The following CDKN2A variants were observed in gnomAD, a reference collection of about 807,000 sequenced individuals.
CDKN2A encodes the protein cyclin-dependent kinase inhibitor 2A.
Under a neutral mutation model 11.1 loss-of-function variants are expected in CDKN2A, and 3 were observed. That is an observed-to-expected ratio of 0.27 (90% confidence interval 0.12 to 0.70). The LOEUF is 0.70. Among genes scored for constraint, CDKN2A ranks in the 30% least tolerant of loss-of-function variants. CDKN2A has a pLI of 0.77. For missense variants in CDKN2A, 265 were observed against 233.6 expected (o/e 1.13, Z -0.88); for synonymous variants, 122 against 108.1 (o/e 1.13, Z -0.80).
chr9:21,987,396 A>AACACACACACACACACAC (rs375380204), intron 2 of CDKN2A, among the ~76,000 whole-genome samples: 47 of 89,940 alleles, frequency 5.2e-4, no homozygotes, highest in South Asian at 8.8e-4. Context: ...CCCTTATTAC[A>AACACACACACACACACAC]ACACACACAC....
chr9:21,975,021 G>C, upstream of CDKN2A: 1 of 1,380,668 alleles, frequency 7.2e-7, no homozygotes, highest in Non-Finnish European at 9.3e-7. Context: ...GGGACGCCGT[G>C]AGCGAGTGCT....
intron 1 of CDKN2A, among the ~76,000 whole-genome samples, chr9:21,973,851 C>A (rs1819894358): frequency 6.6e-6 from 1 of 152,102 alleles, no homozygotes; most frequent in African/African-American, 2.4e-5. Context: ...AAAATAAACA[C>A]AATATGTAGT....
At chr9:21,993,165 A>G (rs1820472955) in intron 2 of CDKN2A, among the ~76,000 whole-genome samples, 1 of 152,216 alleles carries the variant, frequency 6.6e-6, no homozygotes, top group Non-Finnish European at 1.5e-5. Context: ...GAAGCATACC[A>G]CAAGGACGGT....
At chr9:21,987,705 T>G (rs1370280818) in intron 2 of CDKN2A, among the ~76,000 whole-genome samples, 1 of 152,090 alleles carries the variant, frequency 6.6e-6, no homozygotes, top group East Asian at 1.9e-4. Context: ...GTGAAATAAC[T>G]CCTCCACTGA....
At chr9:21,984,804 A>AG (rs1476875739) in intron 2 of CDKN2A, among the ~76,000 whole-genome samples, 3 of 151,916 alleles carry the variant, frequency 2.0e-5, no homozygotes, top group African/African-American at 7.2e-5. Context: ...CCTCTAAAAA[A>AG]CTATCCTTTA....
At chr9:21,990,429 G>T (rs1302741790) in intron 2 of CDKN2A, among the ~76,000 whole-genome samples, 2 of 152,160 alleles carry the variant, frequency 1.3e-5, no homozygotes, top group Non-Finnish European at 2.9e-5. Flanking sequence ...TAAGGGTAGA[G>T]AAGCTCTTAG....
At chr9:21,970,483 T>C in intron 2 of CDKN2A, 1 of 409,850 alleles carries the variant, frequency 2.4e-6, no homozygotes, top group South Asian at 3.4e-5. Flanking sequence ...GGTTTGGAAA[T>C]CCTGAGGTTG....
At chr9:21,981,631 CT>C (rs5896958) in intron 2 of CDKN2A, among the ~76,000 whole-genome samples, 54 of 145,908 alleles carry the variant, frequency 3.7e-4, no homozygotes, top group Non-Finnish European at 4.1e-4. Flanking sequence ...GAAAAAATGA[CT>C]TTTTTTTTTT....
upstream of CDKN2A, chr9:21,974,949 G>A (rs1192712632): frequency 5.6e-6 from 8 of 1,421,906 alleles, no homozygotes; most frequent in Admixed American, 6.3e-5. This position sits in a 1 kb window ranked among gnomAD's most constrained non-coding sequence, Gnocchi z 5.2. Flanking sequence ...GCTGGCGGAA[G>A]AGCCCCCTCC....
At chr9:21,994,741 C>T (rs994498851) in intron 1 of CDKN2A, 16 of 211,008 alleles carry the variant, frequency 7.6e-5, no homozygotes, top group Admixed American at 4.9e-4. Flanking sequence ...CCCGCGGTGA[C>T]GGCCCAGGGG....
intron 1 of CDKN2A, among the ~76,000 whole-genome samples, chr9:21,973,908 C>A (rs188292397): frequency 8.8e-4 from 134 of 152,122 alleles, no homozygotes; most frequent in African/African-American, 3.0e-3. Flanking sequence ...TTCTTTCTTT[C>A]GACAAAGTCT....
chr9:21,983,608 A>G (rs1173577789), intron 2 of CDKN2A, among the ~76,000 whole-genome samples: 1 of 152,070 alleles, frequency 6.6e-6, no homozygotes, highest in Non-Finnish European at 1.5e-5. Flanking sequence ...ACTGCTTTTT[A>G]AAAAGCCACC....
intron 1 of CDKN2A, among the ~76,000 whole-genome samples, chr9:21,971,594 T>TTTTTTTTTTTTTTTTTTTC (rs1554654344): frequency 7.1e-6 from 1 of 141,512 alleles, no homozygotes; most frequent in Non-Finnish European, 1.6e-5. Context: ...TTTTTTTTTG[T>TTTTTTTTTTTTTTTTTTTC]TCACTGCTGT....
chr9:21,970,515 A>C, intron 2 of CDKN2A: 1 of 460,500 alleles, frequency 2.2e-6, no homozygotes, highest in East Asian at 3.8e-5. Flanking sequence ...TTGGTATGCA[A>C]ATGAGGAAAC....
chr9:21,992,943 A>G (rs1820465118), intron 2 of CDKN2A, among the ~76,000 whole-genome samples: 1 of 152,204 alleles, frequency 6.6e-6, no homozygotes, highest in African/African-American at 2.4e-5. Context: ...CTAAATTAAA[A>G]AAATTAACTT....
chr9:21,977,421 G>A (rs949329729), upstream of CDKN2A, among the ~76,000 whole-genome samples: 1 of 151,992 alleles, frequency 6.6e-6, no homozygotes, highest in Non-Finnish European at 1.5e-5. Flanking sequence ...AAATGGCACC[G>A]CACGATCTCT....
chr9:21,968,615 C>T lies in CDKN2A; in HGVS notation c.458-373G>A, dbSNP rs560704800. The T allele has an allele frequency of 1.2e-5, 18 of 1,508,860 alleles. No individual in the cohort carries two copies. The African/African-American group carries it at 1.5e-4, about 13-fold the overall frequency. 93.5% of individuals were successfully genotyped at this position (1,508,860 alleles called of 1,614,324 possible). On this transcript the variant is annotated intron_variant, in intron 2 of 2. Coordinates refer to ENST00000304494, the MANE Select transcript of CDKN2A (RefSeq NM_000077.5). The surrounding 1 kb of genome is among the most constrained non-coding windows in gnomAD (Gnocchi z 4.7). ...GGCGTGAAGATGTGGCCTTTCCCTTCCCGCATCCCCAGGCATCTTTTGCAC... is the reference window on the plus strand; with the variant it reads ...GGCGTGAAGATGTGGCCTTTCCCTTTCCGCATCCCCAGGCATCTTTTGCAC...
At chr9:21,983,677 A>G (rs1366034551) in intron 2 of CDKN2A, among the ~76,000 whole-genome samples, 4 of 152,068 alleles carry the variant, frequency 2.6e-5, no homozygotes, top group Non-Finnish European at 4.4e-5. Flanking sequence ...CTATGTAGCT[A>G]TGGTTACTCA....
Position 21,974,733 on chromosome 9 carries a change from A to G in CDKN2A, c.95T>C (p.Leu32Pro), listed in dbSNP as rs878853650. 3.7e-6 allele frequency: 6 copies of G among 1,612,328 alleles called. No homozygotes were observed. The highest frequency in any genetic ancestry group is 5.1e-6 in the Non-Finnish European group (6 of 1,179,664). Residue 32 changes from leucine to proline, a missense_variant, in exon 1 of 3, where the codon CTG (leucine) becomes CCG (proline). By Grantham distance (98) the Leu-to-Pro change is moderately conservative. Coordinates refer to ENST00000304494, the MANE Select transcript of CDKN2A (RefSeq NM_000077.5). This position sits in a 1 kb window ranked among gnomAD's most constrained non-coding sequence, Gnocchi z 5.2. ...TGCGTTGGGCAGCGCCCCCGCCTCC[A>G]GCAGCGCCCGCACCTCCTCTACCCG... is the stretch of plus-strand genomic sequence containing the variant. ...RGRVEEVRALLEAGALPNAPN... is the reference protein window; with the variant it reads ...RGRVEEVRALPEAGALPNAPN...
Sources: allele counts gnomAD v4.1 joint callset (sites outside exome capture counted in the v4.1 genomes callset), GRCh38; gene constraint gnomAD v4.1.1; non-coding constraint Gnocchi (gnomAD v3.1); transcripts MANE v1.5; gene names NCBI Gene and HGNC (gene_info 2026-07-23, HGNC 2026-07-21).